OSBPL6: variants seen among roughly 807,000 people sequenced by gnomAD.
The protein encoded by OSBPL6 is oxysterol-binding protein-related protein 6.
A neutral mutation model predicts 125.8 loss-of-function variants in OSBPL6; 49 were observed. The observed-to-expected ratio is 0.39, with a 90% CI of 0.31 to 0.49. OSBPL6 has a LOEUF of 0.49. Among genes scored for constraint, OSBPL6 ranks in the 20% least tolerant of loss-of-function variants. OSBPL6 has a pLI of 0.88. For missense variants in OSBPL6, 986 were observed against 1,135.4 expected, an observed-to-expected ratio of 0.87 and a Z score of 1.89; for synonymous variants, 394 against 391.8, an observed-to-expected ratio of 1.01 and a Z score of -0.07.
chr2:178,264,273 A>G lies in OSBPL6; in HGVS notation c.-350-20654A>G, dbSNP rs116731350. On this transcript the variant is annotated intron_variant, in intron 1 of 24. Transcript: ENST00000190611. ...TGTCCAAACTGATCATTATCACACTAACACTGGGTTTTTATGGCATCATTT... is the reference window on the plus strand; with the variant it reads ...TGTCCAAACTGATCATTATCACACTGACACTGGGTTTTTATGGCATCATTT... 2.4e-3 allele frequency among the ~76,000 whole-genome samples: 372 copies of G among 152,318 alleles called. 2 individuals carry two copies. Among genetic ancestry groups the G allele is most frequent in the African/African-American group, 8.6e-3 (356 of 41,566 alleles).
intron 1 of OSBPL6, among the ~76,000 whole-genome samples, chr2:178,271,555 G>T (rs1161566385): frequency 6.6e-6 from 1 of 152,136 alleles, no homozygotes; most frequent in Non-Finnish European, 1.5e-5. Context: ...AAATGTTACA[G>T]ATTATGCAAA....
intron 20 of OSBPL6, 75 bp from the exon 21 acceptor site, chr2:178,388,934 T>A (rs915135295): frequency 2.7e-6 from 4 of 1,473,200 alleles, no homozygotes; most frequent in Non-Finnish European, 3.7e-6. Context: ...GGCCAAAGAA[T>A]ATTCTCATTA....
Position 178,285,048 on chromosome 2 carries a change from A to G in OSBPL6, c.-229A>G. On this transcript the variant is annotated 5_prime_UTR_variant, in exon 2 of 25. Transcript: ENST00000190611. ...TGTCCCAAGGAGAAAAGCTGCAGGC[A>G]TCTGAGGATAAATCACTGTGAAACA... 1 of 398,578 alleles carries G rather than the reference A, an allele frequency of 2.5e-6. No homozygotes were observed. The highest frequency in any genetic ancestry group is 4.4e-6 in the Non-Finnish European group (1 of 226,002). The allele number at this position is 398,578 out of a possible 1,614,324, so 24.7% of individuals were successfully genotyped here.
chr2:178,388,955 T>A (rs1695174231), intron 20 of OSBPL6, 54 bp from the exon 21 acceptor site: 5 of 1,576,918 alleles, frequency 3.2e-6, no homozygotes, highest in Non-Finnish European at 4.3e-6. Context: ...GCAGAAACAG[T>A]TATATGTGTT....
At chr2:178,293,453 T>A (rs1685464559) in intron 2 of OSBPL6, among the ~76,000 whole-genome samples, 1 of 152,196 alleles carries the variant, frequency 6.6e-6, no homozygotes, top group South Asian at 2.1e-4. Context: ...AGAGTTAGTT[T>A]ACGTTTTTGC....
intron 2 of OSBPL6, among the ~76,000 whole-genome samples, chr2:178,297,596 A>C (rs1444677021): frequency 6.6e-6 from 1 of 152,230 alleles, no homozygotes; most frequent in Non-Finnish European, 1.5e-5. Flanking sequence ...ATGACATTTG[A>C]CTATGATGAG....
At chr2:178,352,443 C>T (rs1167280619) in intron 12 of OSBPL6, among the ~76,000 whole-genome samples, 1 of 152,202 alleles carries the variant, frequency 6.6e-6, no homozygotes, top group Non-Finnish European at 1.5e-5. Flanking sequence ...CTCTCCTGTG[C>T]CTGGCTTGGT....
At chr2:178,364,820 C>T (rs1003510238) in intron 13 of OSBPL6, among the ~76,000 whole-genome samples, 1 of 152,094 alleles carries the variant, frequency 6.6e-6, no homozygotes, top group Non-Finnish European at 1.5e-5. Context: ...TAGATGTTGA[C>T]GAGTTGCAAT....
chr2:178,381,177 A>G (rs990143648), intron 15 of OSBPL6, among the ~76,000 whole-genome samples: 9 of 152,062 alleles, frequency 5.9e-5, no homozygotes, highest in African/African-American at 1.9e-4. Context: ...CTGATGTTCT[A>G]TCTTATCTTC....
Position 178,304,790 on chromosome 2 carries a change from A to G in OSBPL6, c.-155-1240A>G, listed in dbSNP as rs144345575. On this transcript the variant is annotated intron_variant, in intron 2 of 24. Transcript: ENST00000190611. Reference sequence around the variant, plus strand: ...TGGTCTCTGCATTTCTTTGACCACCATATCGCCATATCTCTGACTCTAGTC... The same window carrying G: ...TGGTCTCTGCATTTCTTTGACCACCGTATCGCCATATCTCTGACTCTAGTC... Among the ~76,000 whole-genome samples the G allele has an allele frequency of 3.2e-4, 48 of 152,252 alleles. 1 individual carries two copies. In the East Asian group the frequency reaches 5.2e-3, roughly 17 times the overall value.
intron 1 of OSBPL6, among the ~76,000 whole-genome samples, chr2:178,268,647 T>C (rs975211851): frequency 6.6e-6 from 1 of 152,252 alleles, no homozygotes; most frequent in African/African-American, 2.4e-5. Context: ...CTCTCTTATG[T>C]TGAAATTCAT....
Position 178,394,438 on chromosome 2 carries a change from A to G in OSBPL6, c.2696+3A>G, listed in dbSNP as rs1454936244. The G allele has an allele frequency of 6.2e-7, 1 of 1,606,642 alleles. No individual in the cohort carries two copies. Among genetic ancestry groups the G allele is most frequent in the African/African-American group, 1.3e-5 (1 of 74,218 alleles). ...GAACATATACCAAAATTTTTTAAGT[A>G]AGTCAGTTAACTCCCATAGCAAGTT... On this transcript the variant is annotated splice_donor_region_variant and intron_variant, in intron 24 of 24. Transcript: ENST00000190611.
chr2:178,239,941 TA>T (rs80321811), intron 1 of OSBPL6, among the ~76,000 whole-genome samples: 1 of 152,092 alleles, frequency 6.6e-6, no homozygotes, highest in Non-Finnish European at 1.5e-5. Flanking sequence ...CTTCATTTTT[TA>T]AAAAAATCAA....
intron 14 of OSBPL6, among the ~76,000 whole-genome samples, chr2:178,373,554 T>C (rs1351878775): frequency 6.6e-6 from 1 of 152,252 alleles, no homozygotes; most frequent in Non-Finnish European, 1.5e-5. Flanking sequence ...ATGTTTAATG[T>C]ACCGTTAGAA....
At chr2:178,234,781 C>T (rs939864720) in intron 1 of OSBPL6, among the ~76,000 whole-genome samples, 5 of 152,106 alleles carry the variant, frequency 3.3e-5, no homozygotes, top group Admixed American at 1.3e-4. Flanking sequence ...CTTTTGGAAT[C>T]ATTTGTAGTA....
At chr2:178,264,186 A>G (rs1027420815) in intron 1 of OSBPL6, among the ~76,000 whole-genome samples, 3 of 152,052 alleles carry the variant, frequency 2.0e-5, no homozygotes, top group Admixed American at 2.0e-4. Flanking sequence ...TAAAACATGA[A>G]AAAAAAAGTA....
At chr2:178,294,283 A>T (rs1222375635) in intron 2 of OSBPL6, among the ~76,000 whole-genome samples, 1 of 152,186 alleles carries the variant, frequency 6.6e-6, no homozygotes, top group Non-Finnish European at 1.5e-5. Context: ...CTAATTGAAA[A>T]AGGAGGTAAA....
At chr2:178,384,894 C>A (rs1049780637) in intron 18 of OSBPL6, among the ~76,000 whole-genome samples, 4 of 151,070 alleles carry the variant, frequency 2.6e-5, no homozygotes, top group African/African-American at 9.8e-5. Flanking sequence ...AAAAAAAAAT[C>A]TTTGTAGCTA....
At chr2:178,369,336 A>G (rs1384660340) in intron 13 of OSBPL6, among the ~76,000 whole-genome samples, 1 of 152,216 alleles carries the variant, frequency 6.6e-6, no homozygotes, top group African/African-American at 2.4e-5. Flanking sequence ...TGCCCCATAA[A>G]GTATAGAAAT....
Sources: gnomAD v4.1 joint callset for allele counts (sites outside exome capture counted in the v4.1 genomes callset) on GRCh38, gnomAD v4.1.1 for gene constraint, MANE v1.5 for transcripts, NCBI Gene and HGNC (gene_info 2026-07-23, HGNC 2026-07-21) for gene names.